Variants in B3GALT1 observed in about 807,000 individuals in gnomAD.
The protein encoded by B3GALT1 is beta-1,3-galactosyltransferase 1.
In B3GALT1, 10 loss-of-function variants were observed where a neutral mutation model predicts 23.2. That is an observed-to-expected ratio of 0.43 (90% confidence interval 0.27 to 0.73). The LOEUF is 0.73. Among genes scored for constraint, B3GALT1 ranks in the 30% least tolerant of loss-of-function variants. The pLI is 0.21. For missense variants in B3GALT1, 299 were observed against 405.4 expected (o/e 0.74, Z 2.25); for synonymous variants, 156 against 141.5 (o/e 1.10, Z -0.73).
intron 3 of B3GALT1, among the ~76,000 whole-genome samples, chr2:167,653,888 T>C (rs1404343449): frequency 6.6e-6 from 1 of 152,206 alleles, no homozygotes; most frequent in African/African-American, 2.4e-5. Context: ...GGTCCCACCA[T>C]GCATTCTTCA....
At chr2:167,462,390 T>A (rs1699271670) in intron 1 of B3GALT1, among the ~76,000 whole-genome samples, 1 of 152,194 alleles carries the variant, frequency 6.6e-6, no homozygotes, top group East Asian at 1.9e-4. Context: ...TGGTCCTTAC[T>A]GCTGACTCAA....
intron 1 of B3GALT1, among the ~76,000 whole-genome samples, chr2:167,460,978 AAG>A (rs1699250659): frequency 6.6e-6 from 1 of 152,280 alleles, no homozygotes; most frequent in African/African-American, 2.4e-5. Flanking sequence ...AAGGGGTAAA[AAG>A]AGAGAACTTA....
At chr2:167,854,338 C>T (rs1014949416) in intron 4 of B3GALT1, among the ~76,000 whole-genome samples, 3 of 152,160 alleles carry the variant, frequency 2.0e-5, no homozygotes, top group Admixed American at 6.5e-5. Flanking sequence ...CATGGACTCT[C>T]TTGAAGGGCT....
chr2:167,325,421 G>A (rs534003771), intron 1 of B3GALT1, among the ~76,000 whole-genome samples: 5 of 152,032 alleles, frequency 3.3e-5, no homozygotes, highest in African/African-American at 7.2e-5. Context: ...TGGCTTGAGC[G>A]GGAAGAAGAG....
rs141287541 is a variant in B3GALT1 at position 167,355,816 on chromosome 2, G to A, written c.-511+62482G>A. ...CATTTGCCCTTAATACCAAATATCC[G>A]TAATGGACATTTTTAATAAAGTGTA... On this transcript the variant is annotated intron_variant, in intron 1 of 4. Coordinates refer to ENST00000392690, the MANE Select transcript of B3GALT1 (RefSeq NM_020981.4). 1.1e-3 allele frequency among the ~76,000 whole-genome samples: 164 copies of A among 152,028 alleles called. 3 individuals carry two copies. The highest frequency in any genetic ancestry group is 3.6e-3 in the African/African-American group (151 of 41,436).
chr2:167,732,780 A>G (rs1687428473), intron 3 of B3GALT1, among the ~76,000 whole-genome samples: 2 of 152,230 alleles, frequency 1.3e-5, no homozygotes, highest in African/African-American at 4.8e-5. Context: ...ACAATAATCT[A>G]TCAGGACCCT....
At chr2:167,857,421 T>A (rs187683454) in intron 4 of B3GALT1, among the ~76,000 whole-genome samples, 1 of 151,952 alleles carries the variant, frequency 6.6e-6, no homozygotes, top group South Asian at 2.1e-4. Context: ...AAGGCACCAG[T>A]AGGATGAAAA....
At position 167,739,612 on chromosome 2, in the gene B3GALT1, C is replaced by T. The variant is rs138997432; in HGVS notation, c.-351-79060C>T. Reference sequence around the variant, plus strand: ...CTGATTCTAGCCTATTTTATTTTCTCCATAGTGCTTTTCTCTACCTAACGT... The same window carrying T: ...CTGATTCTAGCCTATTTTATTTTCTTCATAGTGCTTTTCTCTACCTAACGT... On this transcript the variant is annotated intron_variant, in intron 3 of 4. Transcript: ENST00000392690. Among the ~76,000 whole-genome samples, 753 of 152,140 alleles carry T rather than the reference C, an allele frequency of 4.9e-3. 5 individuals are homozygous for T. Among genetic ancestry groups the T allele is most frequent in the South Asian group, 0.012 (59 of 4,798 alleles).
intron 3 of B3GALT1, among the ~76,000 whole-genome samples, chr2:167,769,873 G>T (rs1688043527): frequency 6.6e-6 from 1 of 152,134 alleles, no homozygotes; most frequent in Admixed American, 6.5e-5. Flanking sequence ...TCAAGATTTT[G>T]TGCAAACATG....
intron 3 of B3GALT1, among the ~76,000 whole-genome samples, chr2:167,776,902 T>G (rs1326406165): frequency 6.6e-6 from 1 of 152,164 alleles, no homozygotes; most frequent in African/African-American, 2.4e-5. Flanking sequence ...ACTTTTAAAG[T>G]CTTATTGGTT....
chr2:167,663,723 A>C (rs1686116231), intron 3 of B3GALT1, among the ~76,000 whole-genome samples: 2 of 151,560 alleles, frequency 1.3e-5, no homozygotes, highest in African/African-American at 4.9e-5. Flanking sequence ...GATGGTGAGC[A>C]TTTTTTCATG....
chr2:167,556,050 G>C (rs1011876371), intron 2 of B3GALT1, among the ~76,000 whole-genome samples: 11 of 152,098 alleles, frequency 7.2e-5, no homozygotes, highest in African/African-American at 2.4e-4. Context: ...AACTTGGAAG[G>C]AACAAATGCC....
chr2:167,771,000 T>C (rs1383233701), intron 3 of B3GALT1, among the ~76,000 whole-genome samples: 1 of 152,194 alleles, frequency 6.6e-6, no homozygotes, highest in African/African-American at 2.4e-5. Flanking sequence ...AGCTAACTTA[T>C]TATTTAGCAT....
chr2:167,515,582 T>G, intron 2 of B3GALT1, among the ~76,000 whole-genome samples: 1 of 152,122 alleles, frequency 6.6e-6, no homozygotes, highest in East Asian at 1.9e-4. Flanking sequence ...TTGCTAGTAT[T>G]TTGTCTTTAT....
chr2:167,431,328 C>T (rs1219607348), intron 1 of B3GALT1, among the ~76,000 whole-genome samples: 2 of 152,092 alleles, frequency 1.3e-5, no homozygotes, highest in Non-Finnish European at 2.9e-5. Flanking sequence ...AGAACCATTA[C>T]GAATCACTGA....
intron 1 of B3GALT1, among the ~76,000 whole-genome samples, chr2:167,377,212 T>G (rs919715875): frequency 4.6e-5 from 7 of 152,150 alleles, no homozygotes; most frequent in Non-Finnish European, 1.0e-4. Flanking sequence ...TTGGTATAAT[T>G]TTGATTTTTT....
intron 1 of B3GALT1, among the ~76,000 whole-genome samples, chr2:167,464,949 A>G (rs1341061323): frequency 1.3e-5 from 2 of 152,202 alleles, no homozygotes; most frequent in Non-Finnish European, 1.5e-5. Flanking sequence ...AAAGTATCCA[A>G]GTTGTTCTGG....
intron 1 of B3GALT1, among the ~76,000 whole-genome samples, chr2:167,469,407 T>C (rs985450019): frequency 2.0e-5 from 3 of 152,224 alleles, no homozygotes; most frequent in African/African-American, 7.2e-5. Flanking sequence ...TGCATTCATT[T>C]AGTAAATAAT....
In B3GALT1 at chr2:167,367,547, A is replaced by G. The variant is rs114425778; in HGVS notation, c.-511+74213A>G. On this transcript the variant is annotated intron_variant, in intron 1 of 4. Transcript: ENST00000392690. ...GAGGATTAAGTGAATAAGATATCTT[A>G]GAGATTAGTTACAGGTTTGTCTGTT... 7.9e-3 allele frequency among the ~76,000 whole-genome samples: 1,200 copies of G among 152,290 alleles called. 21 individuals carry two copies. Among genetic ancestry groups the G allele is most frequent in the African/African-American group, 0.028 (1,152 of 41,556 alleles).
Sources: allele counts gnomAD v4.1 joint callset (sites outside exome capture counted in the v4.1 genomes callset), GRCh38; gene constraint gnomAD v4.1.1; transcripts MANE v1.5; gene names NCBI Gene and HGNC (gene_info 2026-07-23, HGNC 2026-07-21).